RALGAPA1: variants seen among roughly 807,000 people sequenced by gnomAD.
RALGAPA1 encodes ral GTPase-activating protein subunit alpha-1.
In RALGAPA1, 52 loss-of-function variants were observed where a neutral mutation model predicts 269.6. That is an observed-to-expected ratio of 0.19 (90% CI 0.15 to 0.24). The LOEUF (loss-of-function observed/expected upper bound fraction) is 0.24, where lower values mean the gene tolerates loss of function less well. RALGAPA1 is among the 10% of genes least tolerant of loss of function. The pLI, the probability that RALGAPA1 is intolerant of heterozygous loss-of-function variation, is 1.00. For missense variants in RALGAPA1, 1,917 were observed against 3,013.9 expected (o/e 0.64, Z 8.52); for synonymous variants, 817 against 1,008.3 (o/e 0.81, Z 3.60).
rs1276924212 is a variant in RALGAPA1 at position 35,700,265 on chromosome 14, T to C, written c.2304A>G (p.Pro768=). The change falls in exon 17 of 42, where the codon CCA becomes CCG. Residue 768 remains proline (P), a synonymous_variant. Coordinates refer to ENST00000680220, the MANE Select transcript of RALGAPA1 (RefSeq NM_001346249.2). ...TTTTAGCACTGCGTATATAGGCCGA[T>C]GGCAGAGCACATTCACCAATGGATC... is the stretch of plus-strand genomic sequence containing the variant. ...RSRSIGECAL[P]SAYIRSAKSA... 4 of 1,533,166 alleles carry C rather than the reference T, an allele frequency of 2.6e-6. No homozygotes were observed. In the African/African-American group the frequency reaches 4.1e-5, roughly 16 times the overall value. 95.0% of individuals were successfully genotyped at this position (1,533,166 alleles called of 1,614,324 possible). A position where few individuals can be genotyped will look rare whatever the true frequency, so the allele number is the denominator to read the frequency against.
intron 4 of RALGAPA1, among the ~76,000 whole-genome samples, chr14:35,768,219 C>T (rs2074308919): frequency 6.6e-6 from 1 of 152,148 alleles, no homozygotes; most frequent in Non-Finnish European, 1.5e-5. Flanking sequence ...ACTACAGGCA[C>T]ATACCAACAA....
At chr14:35,598,420 T>C (rs1019522119) in intron 36 of RALGAPA1, among the ~76,000 whole-genome samples, 12 of 150,374 alleles carry the variant, frequency 8.0e-5, no homozygotes, top group African/African-American at 2.9e-4. Flanking sequence ...TATATTTTAT[T>C]TATTTATTTA....
intron 31 of RALGAPA1, among the ~76,000 whole-genome samples, chr14:35,642,345 G>A (rs1050365470): frequency 6.6e-6 from 1 of 152,048 alleles, no homozygotes; most frequent in Admixed American, 6.6e-5. Context: ...AAAATAATAT[G>A]ACAAGCTATT....
intron 37 of RALGAPA1, among the ~76,000 whole-genome samples, chr14:35,573,793 A>T (rs1208283843): frequency 1.3e-5 from 2 of 152,178 alleles, no homozygotes; most frequent in East Asian, 3.8e-4. Flanking sequence ...TTTAAAAAGC[A>T]AAAAAGATTA....
Position 35,750,656 on chromosome 14 carries a change from G to A in RALGAPA1, c.837C>T (p.Val279=), listed in dbSNP as rs749929716. The change falls in exon 9 of 42, where the codon GTC becomes GTT. Residue 279 remains valine, a synonymous_variant. Transcript: ENST00000680220. The stretch of plus-strand genomic sequence containing the variant: ...TGGTTTCAGCATCTTTCTTTATCAC[G>A]ACATAATGTGGCTTTGGTCTCATCT... ...IPQMRPKPHY[V]VIKKDAETNE... 1.7e-5 allele frequency: 28 copies of A among 1,612,788 alleles called. No individual in the cohort carries two copies. The Admixed American group carries it at 3.5e-4, about 20-fold the overall frequency.
At chr14:35,605,804 A>T (rs900778602) in intron 35 of RALGAPA1, 95 bp from the exon 36 acceptor site, 4 of 1,368,700 alleles carry the variant, frequency 2.9e-6, no homozygotes, top group Non-Finnish European at 4.0e-6. Flanking sequence ...TGTAGCAATA[A>T]AAAGATGAAA....
At chr14:35,681,043 C>G (rs1176180585) in intron 21 of RALGAPA1, among the ~76,000 whole-genome samples, 1 of 152,054 alleles carries the variant, frequency 6.6e-6, no homozygotes, top group African/African-American at 2.4e-5. Flanking sequence ...ATCTAATTTT[C>G]ATTCTTGTTT....
intron 11 of RALGAPA1, 73 bp from the exon 12 acceptor site, chr14:35,738,723 TA>T: frequency 7.9e-7 from 1 of 1,260,404 alleles, no homozygotes; most frequent in Non-Finnish European, 1.1e-6. Context: ...GTTGAAAAGG[TA>T]AATGAAATTG....
chr14:35,560,746 A>G (rs1326650210), intron 39 of RALGAPA1, among the ~76,000 whole-genome samples: 1 of 152,220 alleles, frequency 6.6e-6, no homozygotes, highest in African/African-American at 2.4e-5. Flanking sequence ...TTATTGGTCA[A>G]TATTAGTAAA....
At chr14:35,779,450 G>C (rs1417475742) in intron 1 of RALGAPA1, among the ~76,000 whole-genome samples, 1 of 151,900 alleles carries the variant, frequency 6.6e-6, no homozygotes, top group Non-Finnish European at 1.5e-5. Context: ...CTTGAGCCTA[G>C]GAATTTAAGT....
chr14:35,730,825 T>C (rs1348623784), intron 12 of RALGAPA1, among the ~76,000 whole-genome samples: 1 of 152,146 alleles, frequency 6.6e-6, no homozygotes, highest in Non-Finnish European at 1.5e-5. Context: ...ACAAAGGACA[T>C]ATGCTCTTGG....
chr14:35,555,208 C>T (rs2055486871), intron 39 of RALGAPA1, among the ~76,000 whole-genome samples: 1 of 152,114 alleles, frequency 6.6e-6, no homozygotes, highest in African/African-American at 2.4e-5. Flanking sequence ...TTCTTTAAAT[C>T]CTCATAATCT....
At chr14:35,711,455 T>C (rs894339325) in intron 16 of RALGAPA1, among the ~76,000 whole-genome samples, 3 of 152,228 alleles carry the variant, frequency 2.0e-5, no homozygotes, top group Non-Finnish European at 2.9e-5. Flanking sequence ...CCAAGTCTTC[T>C]TTTTCTTTTT....
chr14:35,697,346 TTTTG>T (rs2066984919), intron 17 of RALGAPA1, among the ~76,000 whole-genome samples: 2 of 151,784 alleles, frequency 1.3e-5, no homozygotes, highest in South Asian at 4.1e-4. Context: ...TTTTGTTTTG[TTTTG>T]TTTTGTTTTT....
chr14:35,739,051 A>AT (rs1345687082), intron 11 of RALGAPA1, among the ~76,000 whole-genome samples: 22 of 147,368 alleles, frequency 1.5e-4, no homozygotes, highest in African/African-American at 4.4e-4. Flanking sequence ...AAAAAAAAAA[A>AT]GGCTTATGTT....
chr14:35,742,380 T>C lies in RALGAPA1; in HGVS notation c.1437A>G (p.Glu479=). 6.3e-7 allele frequency: 1 copy of C among 1,589,848 alleles called. No individual in the cohort carries two copies. Among genetic ancestry groups the C allele is most frequent in the Non-Finnish European group, 8.6e-7 (1 of 1,164,666 alleles). The change falls in exon 11 of 42, where the codon GAA becomes GAG. Residue 479 remains glutamate, a synonymous_variant. Transcript: ENST00000680220. The stretch of plus-strand genomic sequence containing the variant: ...CTTATAACTTCACCTCTTCTCTTTT[T>C]TCTCCTTCTTCCATTGAAATATCAT... The part of the protein sequence containing the change: ...TDHDISMEEG[E]KREEENGTNT...
At chr14:35,742,763 TAA>T (rs199500409) in intron 10 of RALGAPA1, among the ~76,000 whole-genome samples, 198 bp from the exon 11 acceptor site, 64 of 128,656 alleles carry the variant, frequency 5.0e-4, no homozygotes, top group East Asian at 1.7e-3. Context: ...ATATTTCTAG[TAA>T]AAAAAAAAAA....
At chr14:35,658,104 T>C (rs2063317435) in intron 28 of RALGAPA1, among the ~76,000 whole-genome samples, 1 of 152,184 alleles carries the variant, frequency 6.6e-6, no homozygotes, top group Admixed American at 6.5e-5. Flanking sequence ...AAGAGGGTGA[T>C]TCTATTAAAC....
chr14:35,794,100 C>T (rs2076386244), intron 1 of RALGAPA1, among the ~76,000 whole-genome samples: 1 of 152,096 alleles, frequency 6.6e-6, no homozygotes, highest in Non-Finnish European at 1.5e-5. Flanking sequence ...ACATACATTA[C>T]ATTATATATA....
Sources: allele counts gnomAD v4.1 joint callset (sites outside exome capture counted in the v4.1 genomes callset), GRCh38; gene constraint gnomAD v4.1.1; transcripts MANE v1.5; gene names NCBI Gene and HGNC (gene_info 2026-07-23, HGNC 2026-07-21).